Variants in ABCA12 observed in about 807,000 individuals in gnomAD.
ABCA12 encodes ATP binding cassette subfamily A member 12.
Under a neutral mutation model 293.5 loss-of-function variants are expected in ABCA12, and 156 were observed. The ratio of observed to expected loss-of-function variants is 0.53; its 90% CI spans 0.47 to 0.61. ABCA12 has a LOEUF of 0.61. Among genes scored for constraint, ABCA12 ranks in the 20% least tolerant of loss-of-function variants. The probability of loss-of-function intolerance (pLI) is 0.00; values close to 1 mark genes in which losing one functional copy is unlikely to be tolerated. For synonymous variants in ABCA12, 1,063 were observed against 1,108.0 expected (o/e 0.96, Z 0.81); for missense variants, 2,797 against 3,090.2 (o/e 0.91, Z 2.25).
At chr2:214,940,045 T>A (rs921192486) in intron 50 of ABCA12, among the ~76,000 whole-genome samples, 1 of 152,228 alleles carries the variant, frequency 6.6e-6, no homozygotes, top group African/African-American at 2.4e-5. Flanking sequence ...TTGTGCTGGT[T>A]TTCAAAGGGA....
chr2:214,950,840 A>G (rs373964051), intron 45 of ABCA12, 39 bp downstream of exon 45: 17 of 1,591,984 alleles, frequency 1.1e-5, no homozygotes, highest in Non-Finnish European at 1.5e-5. Flanking sequence ...ATAGTATGCC[A>G]ATGAAAAGGA....
chr2:215,071,412 T>C (rs1048322799), intron 2 of ABCA12, among the ~76,000 whole-genome samples: 4 of 149,916 alleles, frequency 2.7e-5, no homozygotes, highest in Admixed American at 6.6e-5. Flanking sequence ...AAATAAATAA[T>C]TAATAATAAA....
intron 14 of ABCA12, among the ~76,000 whole-genome samples, chr2:215,017,487 A>G (rs1700529550): frequency 6.6e-6 from 1 of 152,194 alleles, no homozygotes; most frequent in African/African-American, 2.4e-5. Context: ...TTTAAAAAGT[A>G]AAAATGGATA....
chr2:214,971,847 T>C (rs1461128267), intron 36 of ABCA12, among the ~76,000 whole-genome samples: 7 of 151,980 alleles, frequency 4.6e-5, no homozygotes, highest in Admixed American at 2.0e-4. Flanking sequence ...TTTTAAAAAC[T>C]GTTTGCACAA....
At chr2:214,971,791 C>A (rs1055895448) in intron 36 of ABCA12, among the ~76,000 whole-genome samples, 1 of 152,080 alleles carries the variant, frequency 6.6e-6, no homozygotes, top group African/African-American at 2.4e-5. Context: ...AATTGCAGGT[C>A]CCACAGATAT....
In ABCA12 at chr2:214,934,605, G is replaced by A. The variant is rs191366186; in HGVS notation, c.7543-390C>T. On this transcript the variant is annotated intron_variant, in intron 51 of 52. Transcript: ENST00000272895. ...TTTTGTGTTAGAAGTGTTCTAAAAC[G>A]CTAAAAATTAGCAGTTCCATTTATA... 9.2e-5 allele frequency among the ~76,000 whole-genome samples: 14 copies of A among 152,158 alleles called. 1 individual carries two copies. In the East Asian group the frequency reaches 2.5e-3, roughly 27 times the overall value.
intron 2 of ABCA12, among the ~76,000 whole-genome samples, chr2:215,083,564 GA>G (rs1559184367): frequency 6.6e-6 from 1 of 152,068 alleles, no homozygotes; most frequent in South Asian, 2.1e-4. Flanking sequence ...AAAAACAAAA[GA>G]AAAAAATTAA....
At chr2:214,969,209 A>G (rs1230460123) in intron 37 of ABCA12, among the ~76,000 whole-genome samples, 2 of 151,996 alleles carry the variant, frequency 1.3e-5, no homozygotes, top group Non-Finnish European at 2.9e-5. Flanking sequence ...AAATGGCTCA[A>G]TTTCTTCTAT....
intron 45 of ABCA12, among the ~76,000 whole-genome samples, chr2:214,950,235 T>C (rs1198126532): frequency 6.6e-6 from 1 of 152,144 alleles, no homozygotes; most frequent in East Asian, 1.9e-4. Flanking sequence ...TATCAGGGAC[T>C]TGAGCATCTG....
chr2:214,934,015 A>C, intron 52 of ABCA12, 63 bp downstream of exon 52: 3 of 1,525,264 alleles, frequency 2.0e-6, no homozygotes, highest in Non-Finnish European at 2.7e-6. Flanking sequence ...AAAAGAAATA[A>C]CCAGAATGAA....
chr2:214,997,206 G>C (rs367826885), intron 23 of ABCA12, among the ~76,000 whole-genome samples: 5 of 152,250 alleles, frequency 3.3e-5, no homozygotes, highest in Admixed American at 6.5e-5. Flanking sequence ...GTGGGAAATG[G>C]AGAAGGTAAT....
At chr2:215,079,546 G>A (rs999982832) in intron 2 of ABCA12, among the ~76,000 whole-genome samples, 3 of 152,186 alleles carry the variant, frequency 2.0e-5, no homozygotes, top group Non-Finnish European at 2.9e-5. Flanking sequence ...TGCTTAGTAT[G>A]CTTAAAGGAA....
At chr2:215,106,824 A>G (rs1702472575) in intron 2 of ABCA12, among the ~76,000 whole-genome samples, 1 of 151,388 alleles carries the variant, frequency 6.6e-6, no homozygotes, top group East Asian at 1.9e-4. Context: ...TAACATCTGG[A>G]TGGGTGCTAT....
chr2:214,958,250 C>T, intron 41 of ABCA12, 27 bp downstream of exon 41: 3 of 1,613,474 alleles, frequency 1.9e-6, no homozygotes, highest in Non-Finnish European at 2.5e-6. Context: ...CTTTTATTCC[C>T]TGCAATGAAG....
chr2:215,016,202 T>C (rs188246000), intron 14 of ABCA12, among the ~76,000 whole-genome samples: 1 of 152,022 alleles, frequency 6.6e-6, no homozygotes, highest in Admixed American at 6.6e-5. Flanking sequence ...GGATGGCCCC[T>C]GGATTTCTTG....
chr2:215,055,992 T>C (rs1701412448), intron 3 of ABCA12, among the ~76,000 whole-genome samples: 1 of 152,096 alleles, frequency 6.6e-6, no homozygotes, highest in Non-Finnish European at 1.5e-5. Flanking sequence ...GACATTTTTT[T>C]AGTTTGGCTT....
chr2:215,039,109 C>T (rs906447177), intron 7 of ABCA12: 1 of 152,130 alleles, frequency 6.6e-6, no homozygotes, highest in African/African-American at 2.4e-5. Flanking sequence ...AGGCAACAAT[C>T]CTGTGTGTCC....
intron 1 of ABCA12, among the ~76,000 whole-genome samples, chr2:215,119,752 A>AAAAAAAAAAAAAAAAAAAC (rs1203424589): frequency 2.8e-5 from 4 of 142,956 alleles, no homozygotes; most frequent in African/African-American, 1.2e-4. Context: ...AAAAAAAAAA[A>AAAAAAAAAAAAAAAAAAAC]TGAAAACAAA....
intron 2 of ABCA12, among the ~76,000 whole-genome samples, chr2:215,070,269 C>A (rs190436635): frequency 5.3e-5 from 8 of 152,274 alleles, no homozygotes. Context: ...CAAAGTGAAT[C>A]CATTCGCCAT....
Sources: allele counts gnomAD v4.1 joint callset (sites outside exome capture counted in the v4.1 genomes callset), GRCh38; gene constraint gnomAD v4.1.1; transcripts MANE v1.5; gene names NCBI Gene and HGNC (gene_info 2026-07-23, HGNC 2026-07-21).